Variants in AMDHD2 observed in about 807,000 individuals in gnomAD.
AMDHD2 encodes N-acetylglucosamine-6-phosphate deacetylase.
A neutral mutation model predicts 41.8 loss-of-function variants in AMDHD2; 24 were observed. The ratio of observed to expected loss-of-function variants is 0.57; its 90% CI spans 0.42 to 0.81. AMDHD2 has a LOEUF of 0.81. AMDHD2 is among the 30% of genes least tolerant of loss of function. The pLI, the probability that AMDHD2 is intolerant of heterozygous loss-of-function variation, is 0.00. For missense variants in AMDHD2, 540 were observed against 588.5 expected (o/e 0.92, Z 0.85); for synonymous variants, 332 against 255.5 (o/e 1.30, Z -2.85).
At position 2,529,104 on chromosome 16, in the gene AMDHD2, C is replaced by T. The variant is rs572149543; in HGVS notation, c.1141+9C>T. On this transcript the variant is annotated intron_variant, in intron 10 of 10. Transcript: ENST00000293971. ...CTTTGGTGCTGACGCAGGTGAGGGC[C>T]TGTCGCAGGGTCACCGGGCAGCCTG... 4.5e-6 allele frequency: 7 copies of T among 1,554,728 alleles called. No homozygotes were observed. The highest frequency in any genetic ancestry group is 6.1e-6 in the Non-Finnish European group (7 of 1,151,244).
chr16:2,521,424 A>C (rs2065935852), intron 3 of AMDHD2, among the ~76,000 whole-genome samples: 1 of 152,152 alleles, frequency 6.6e-6, no homozygotes, highest in South Asian at 2.1e-4. Flanking sequence ...TCCAGGCTTC[A>C]GAAACCATCC....
At chr16:2,529,394 C>T (rs1045745786) in intron 10 of AMDHD2, 81 bp from the exon 11 acceptor site, 44 of 1,583,972 alleles carry the variant, frequency 2.8e-5, no homozygotes, top group African/African-American at 1.7e-4. Context: ...TCCCCACCAG[C>T]GTCGGGTTGT....
intron 3 of AMDHD2, among the ~76,000 whole-genome samples, chr16:2,522,768 C>T (rs1408128812): frequency 6.6e-6 from 1 of 152,130 alleles, no homozygotes; most frequent in Non-Finnish European, 1.5e-5. Context: ...ACTGCCTCGG[C>T]CTCCCATAGT....
Position 2,526,363 on chromosome 16 carries a change from A to G in AMDHD2, c.361-1198A>G, listed in dbSNP as rs1286269755. Reference sequence around the variant, plus strand: ...ACCCTGCTGAGCACCTTGAGAACACACATTTCGCAAGTTCCTGCTGTGCCC... The same window carrying G: ...ACCCTGCTGAGCACCTTGAGAACACGCATTTCGCAAGTTCCTGCTGTGCCC... On this transcript the variant is annotated intron_variant, in intron 3 of 10. Transcript: ENST00000293971. Among the ~76,000 whole-genome samples the G allele has an allele frequency of 2.6e-5, 4 of 152,216 alleles. No homozygotes were observed. The East Asian group carries it at 7.7e-4, about 29-fold the overall frequency.
At position 2,531,030 on chromosome 16, in the gene AMDHD2, C is replaced by T. The variant is rs370735504; in HGVS notation, c.*1467C>T. On this transcript the variant is annotated 3_prime_UTR_variant, in exon 11 of 11. Coordinates refer to ENST00000293971, the MANE Select transcript of AMDHD2 (RefSeq NM_001330449.2). Reference sequence around the variant, plus strand: ...AGCCGATGTGTTAGAGGTTGAGCATCGCCTGTGCCCAGCTTGCTGGCTGTC... The same window carrying T: ...AGCCGATGTGTTAGAGGTTGAGCATTGCCTGTGCCCAGCTTGCTGGCTGTC... 52 of 1,600,304 alleles carry T rather than the reference C, an allele frequency of 3.2e-5. 1 individual carries two copies. In the Admixed American group the frequency reaches 4.9e-4, roughly 15 times the overall value.
chr16:2,527,106 G>A lies in AMDHD2; in HGVS notation c.361-455G>A, dbSNP rs2066013423. ...CTGCCCACCTGTTAGCCTCTGAGATGTGTGGTGTGAGCCCGTGTCCCCCCG... is the reference window on the plus strand; with the variant it reads ...CTGCCCACCTGTTAGCCTCTGAGATATGTGGTGTGAGCCCGTGTCCCCCCG... On this transcript the variant is annotated intron_variant, in intron 3 of 10. Transcript: ENST00000293971. This position sits in a 1 kb window ranked among gnomAD's most constrained non-coding sequence, Gnocchi z 6.1. 4.9e-6 allele frequency: 1 copy of A among 203,882 alleles called. No individual in the cohort carries two copies. The highest frequency in any genetic ancestry group is 6.0e-5 in the Admixed American group (1 of 16,662). The allele number at this position is 203,882 out of a possible 1,614,324, so 12.6% of individuals were successfully genotyped here.
Position 2,530,679 on chromosome 16 carries a change from AGAGATAGG to A in AMDHD2, c.*1117_*1124del, listed in dbSNP as rs1567134982. ...GTTAAGGAAATGTCTCCAGGTCCAA[AGAGATAGG>A]ATGGTCTGGGCCCCACCTGTTGGAA... On this transcript the variant is annotated 3_prime_UTR_variant, in exon 11 of 11. Coordinates refer to ENST00000293971, the MANE Select transcript of AMDHD2 (RefSeq NM_001330449.2). 6.2e-7 allele frequency: 1 copy of A among 1,614,048 alleles called. No homozygotes were observed. The highest frequency in any genetic ancestry group is 8.5e-7 in the Non-Finnish European group (1 of 1,179,946).
rs1382651381 is a variant in AMDHD2 at position 2,529,851 on chromosome 16, G to A, written c.*288G>A. ...TGGGCTGTAGTTTAGCCTGGGCCTT[G>A]GGCCCCAGTGGGGGACAGGGCCTGT... On this transcript the variant is annotated 3_prime_UTR_variant, in exon 11 of 11. Transcript: ENST00000293971. The A allele has an allele frequency of 7.4e-7, 1 of 1,360,228 alleles. No homozygotes were observed. The highest frequency in any genetic ancestry group is 1.6e-5 in the South Asian group (1 of 62,618). The allele number at this position is 1,360,228 out of a possible 1,614,324, so 84.3% of individuals were successfully genotyped here.
At chr16:2,523,080 G>C (rs550261642) in intron 3 of AMDHD2, among the ~76,000 whole-genome samples, 1 of 152,010 alleles carries the variant, frequency 6.6e-6, no homozygotes, top group Admixed American at 6.6e-5. Context: ...CTGACCTCAC[G>C]ATCTGCCCAT....
intron 3 of AMDHD2, among the ~76,000 whole-genome samples, chr16:2,521,339 C>T (rs2065934436): frequency 1.3e-5 from 2 of 152,126 alleles, no homozygotes; most frequent in Admixed American, 1.3e-4. Flanking sequence ...TCCTCCGCAG[C>T]TGTCTCCACA....
In AMDHD2 at chr16:2,520,451, G is replaced by C; in HGVS notation, c.-8G>C. 8.1e-7 allele frequency: 1 copy of C among 1,233,998 alleles called. No individual in the cohort carries two copies. 76.4% of individuals were successfully genotyped at this position (1,233,998 alleles called of 1,614,324 possible). ...CTCCGGAGCCGCTCGCTCCCGACAC[G>C]GCTCACGATGCGCGGCGAGCAGGGC... On this transcript the variant is annotated 5_prime_UTR_variant, in exon 1 of 11. Coordinates refer to ENST00000293971, the MANE Select transcript of AMDHD2 (RefSeq NM_001330449.2).
intron 3 of AMDHD2, 78 bp downstream of exon 3, chr16:2,521,201 C>G: frequency 7.2e-7 from 1 of 1,389,044 alleles, no homozygotes; most frequent in Non-Finnish European, 9.4e-7. Flanking sequence ...TCACGCCCCA[C>G]CCCCCACCCC....
intron 3 of AMDHD2, among the ~76,000 whole-genome samples, chr16:2,523,213 G>A (rs1287499441): frequency 6.6e-6 from 1 of 152,166 alleles, no homozygotes; most frequent in Non-Finnish European, 1.5e-5. Context: ...TTTAGAAAAT[G>A]AACCCTGTTA....
intron 3 of AMDHD2, among the ~76,000 whole-genome samples, chr16:2,523,323 A>G (rs750426479): frequency 6.6e-6 from 1 of 152,080 alleles, no homozygotes; most frequent in Non-Finnish European, 1.5e-5. Flanking sequence ...CACTTGCGTT[A>G]TATGCCCAAG....
chr16:2,528,270 T>A lies in AMDHD2; in HGVS notation c.752T>A (p.Leu251Gln), dbSNP rs1189116944. 2.5e-6 allele frequency: 4 copies of A among 1,612,264 alleles called. No individual in the cohort carries two copies. The South Asian group carries it at 4.4e-5, about 18-fold the overall frequency. ...HHRDPGIVGL[L>Q]TSDRLPAGRC... ...CGCGACCCAGGCATCGTGGGGCTCCTGACCAGCGACCGGCTGCCCGCAGGC... is the reference window on the plus strand; with the variant it reads ...CGCGACCCAGGCATCGTGGGGCTCCAGACCAGCGACCGGCTGCCCGCAGGC... The change falls in exon 7 of 11, where the codon CTG (leucine) becomes CAG (glutamine). Residue 251 changes from leucine to glutamine, a missense_variant. Physicochemically the swap from Leu to Gln is moderately radical, Grantham distance 113. Coordinates refer to ENST00000293971, the MANE Select transcript of AMDHD2 (RefSeq NM_001330449.2).
At chr16:2,521,242 C>T in intron 3 of AMDHD2, 119 bp downstream of exon 3, 3 of 1,307,990 alleles carry the variant, frequency 2.3e-6, no homozygotes, top group East Asian at 2.8e-5. Flanking sequence ...TGAGTCTGGC[C>T]TCCTTTGATG....
chr16:2,530,239 C>G lies in AMDHD2; in HGVS notation c.*676C>G, dbSNP rs754197670. The G allele has an allele frequency of 6.3e-6, 10 of 1,595,138 alleles. No homozygotes were observed. In the African/African-American group the frequency reaches 8.0e-5, roughly 13 times the overall value. ...TGTTTTCTCTTCTCAATAACCCTAT[C>G]TCTTCACACATCCCCAGGCCCAGTG... is the stretch of plus-strand genomic sequence containing the variant. On this transcript the variant is annotated 3_prime_UTR_variant, in exon 11 of 11. Coordinates refer to ENST00000293971, the MANE Select transcript of AMDHD2 (RefSeq NM_001330449.2).
Position 2,521,032 on chromosome 16 carries a change from G to A in AMDHD2, c.269G>A (p.Gly90Glu), listed in dbSNP as rs1195007057. The change falls in exon 3 of 11, where the codon GGG becomes GAG. Residue 90 changes from glycine (G) to glutamate (E), a missense_variant. Physicochemically the swap from Gly to Glu is moderately conservative, Grantham distance 98 (BLOSUM62 -2). Coordinates refer to ENST00000293971, the MANE Select transcript of AMDHD2 (RefSeq NM_001330449.2). ...CAAGCCACGGAGGACGTGGGTTCGGGGGTTGCCCTCGTGGCCCGGAGGATC... is the reference window on the plus strand; with the variant it reads ...CAAGCCACGGAGGACGTGGGTTCGGAGGTTGCCCTCGTGGCCCGGAGGATC... ...FSQATEDVGS[G>E]VALVARRILS... is the part of the protein sequence containing the mutation. 4.3e-6 allele frequency: 7 copies of A among 1,611,464 alleles called. No individual in the cohort carries two copies. Among genetic ancestry groups the A allele is most frequent in the Non-Finnish European group, 1.7e-6 (2 of 1,178,632 alleles).
At chr16:2,524,421 C>T (rs1015487734) in intron 3 of AMDHD2, among the ~76,000 whole-genome samples, 5 of 152,200 alleles carry the variant, frequency 3.3e-5, no homozygotes, top group South Asian at 2.1e-4. Context: ...CCTCTGGCCC[C>T]GCACACCCTC....
Sources: gnomAD v4.1 joint callset for allele counts (sites outside exome capture counted in the v4.1 genomes callset) on GRCh38, gnomAD v4.1.1 for gene constraint, Gnocchi (gnomAD v3.1) non-coding constraint, MANE v1.5 for transcripts, NCBI Gene and HGNC (gene_info 2026-07-23, HGNC 2026-07-21) for gene names.